The following GRM5 variants were observed in gnomAD, a reference collection of about 807,000 sequenced individuals.
GRM5 encodes the protein glutamate metabotropic receptor 5.
GRM5 carries 19 observed loss-of-function variants against 83.1 expected under a neutral mutation model. That is an observed-to-expected ratio of 0.23 (90% CI 0.16 to 0.34). GRM5 has a LOEUF of 0.34. Ranked by LOEUF, GRM5 falls within the 10% of genes least tolerant of loss-of-function variation. GRM5 has a pLI of 1.00. For missense variants in GRM5, 1,160 were observed against 1,588.3 expected, an observed-to-expected ratio of 0.73 and a Z score of 4.58; for synonymous variants, 675 against 633.6, an observed-to-expected ratio of 1.07 and a Z score of -0.98.
intron 3 of GRM5, among the ~76,000 whole-genome samples, chr11:88,790,755 C>T (rs974307608): frequency 2.0e-5 from 3 of 151,840 alleles, no homozygotes; most frequent in African/African-American, 7.3e-5. Context: ...GGAAATATCA[C>T]GATATACTGT....
chr11:88,835,841 G>T (rs1438522042), intron 3 of GRM5, among the ~76,000 whole-genome samples: 4 of 152,176 alleles, frequency 2.6e-5, no homozygotes, highest in African/African-American at 4.8e-5. Context: ...GGTTGAATGA[G>T]GAGGTAGTTC....
At chr11:88,904,827 G>A (rs1334505509) in intron 2 of GRM5, among the ~76,000 whole-genome samples, 1 of 151,972 alleles carries the variant, frequency 6.6e-6, no homozygotes, top group Non-Finnish European at 1.5e-5. Flanking sequence ...ATCATTGTAG[G>A]GAATACCATT....
chr11:88,558,661 G>C (rs972449153), intron 8 of GRM5, among the ~76,000 whole-genome samples: 3 of 151,684 alleles, frequency 2.0e-5, no homozygotes, highest in Non-Finnish European at 4.4e-5. Context: ...AATTAGCTGG[G>C]TGTGGTGGTG....
intron 4 of GRM5, among the ~76,000 whole-genome samples, chr11:88,618,296 A>G (rs1395733095): frequency 6.6e-6 from 1 of 152,228 alleles, no homozygotes; most frequent in Admixed American, 6.5e-5. Flanking sequence ...TGGCAACTGT[A>G]TACAATTATT....
At position 88,868,056 on chromosome 11, in the gene GRM5, A is replaced by G. The variant is rs545464035; in HGVS notation, c.662-17901T>C. Among the ~76,000 whole-genome samples, 3 of 152,018 alleles carry G rather than the reference A, an allele frequency of 2.0e-5. No homozygotes were observed. In the South Asian group the frequency reaches 6.2e-4, roughly 32 times the overall value. On this transcript the variant is annotated intron_variant, in intron 2 of 9. Coordinates refer to ENST00000305447, the MANE Select transcript of GRM5 (RefSeq NM_001143831.3). ...ACTGAGTTTGATTCCTGTATCCACA[A>G]TTTCCTAGATACATGACCTTAGACA...
intron 3 of GRM5, among the ~76,000 whole-genome samples, chr11:88,679,541 A>G (rs1940423771): frequency 6.6e-6 from 1 of 152,156 alleles, no homozygotes; most frequent in Non-Finnish European, 1.5e-5. Flanking sequence ...TCTATCATCT[A>G]TTATCTATCT....
At chr11:88,858,656 G>A (rs888992518) in intron 2 of GRM5, among the ~76,000 whole-genome samples, 2 of 151,984 alleles carry the variant, frequency 1.3e-5, no homozygotes, top group African/African-American at 4.8e-5. Flanking sequence ...AGATTCCTGA[G>A]CCCTGGAATC....
intron 3 of GRM5, among the ~76,000 whole-genome samples, chr11:88,709,343 T>C (rs1941232722): frequency 6.6e-6 from 1 of 152,048 alleles, no homozygotes; most frequent in Admixed American, 6.6e-5. Context: ...AGGTGAGTTA[T>C]AGGTCAGATC....
intron 3 of GRM5, among the ~76,000 whole-genome samples, chr11:88,729,409 C>T (rs1941755955): frequency 6.6e-6 from 1 of 152,026 alleles, no homozygotes; most frequent in South Asian, 2.1e-4. Flanking sequence ...ACAGTCCATG[C>T]TAATGGATAG....
At chr11:88,648,482 A>G (rs1271452018) in intron 4 of GRM5, among the ~76,000 whole-genome samples, 1 of 113,140 alleles carries the variant, frequency 8.8e-6, no homozygotes, top group Non-Finnish European at 1.8e-5. Context: ...GAAGGGGAAT[A>G]TCACACTCTG....
At chr11:88,746,259 ATT>A (rs146286254) in intron 3 of GRM5, among the ~76,000 whole-genome samples, 1 of 151,834 alleles carries the variant, frequency 6.6e-6, no homozygotes, top group Admixed American at 6.6e-5. Flanking sequence ...TTAATAATAC[ATT>A]TTTTTTGTGT....
intron 2 of GRM5, among the ~76,000 whole-genome samples, chr11:88,957,481 G>A: frequency 6.6e-6 from 1 of 152,162 alleles, no homozygotes; most frequent in Non-Finnish European, 1.5e-5. Flanking sequence ...ACAAGATCTT[G>A]AACTTAGTTC....
intron 2 of GRM5, among the ~76,000 whole-genome samples, chr11:88,976,259 T>C (rs1472217712): frequency 1.3e-5 from 2 of 152,170 alleles, no homozygotes; most frequent in Admixed American, 1.3e-4. Context: ...AAAACTGATA[T>C]AAAATTGTGA....
In GRM5 at chr11:88,894,778, T is replaced by C. The variant is rs149355093; in HGVS notation, c.662-44623A>G. On this transcript the variant is annotated intron_variant, in intron 2 of 9. Transcript: ENST00000305447. ...TATTAGGTAATGAAGACAGAATCCT[T>C]ATGAATGAATTAGTACCCTCATAAA... Among the ~76,000 whole-genome samples, 615 of 152,070 alleles carry C rather than the reference T, an allele frequency of 4.0e-3. 2 individuals are homozygous for C. The highest frequency in any genetic ancestry group is 0.014 in the African/African-American group (580 of 41,538).
chr11:88,681,889 G>A (rs1940504142), intron 3 of GRM5, among the ~76,000 whole-genome samples: 1 of 151,638 alleles, frequency 6.6e-6, no homozygotes, highest in African/African-American at 2.4e-5. Flanking sequence ...TATTCATGTT[G>A]TATACTCTTT....
At chr11:88,686,885 C>G (rs1940638375) in intron 3 of GRM5, among the ~76,000 whole-genome samples, 1 of 152,108 alleles carries the variant, frequency 6.6e-6, no homozygotes, top group Non-Finnish European at 1.5e-5. Flanking sequence ...AATACAGACT[C>G]TCATGGCACT....
intron 2 of GRM5, among the ~76,000 whole-genome samples, chr11:88,904,862 G>C (rs991816260): frequency 6.6e-6 from 1 of 152,000 alleles, no homozygotes; most frequent in Non-Finnish European, 1.5e-5. Context: ...GGTATTTATT[G>C]GAAAAATGTG....
chr11:88,717,255 G>A (rs1413514439), intron 3 of GRM5, among the ~76,000 whole-genome samples: 1 of 151,778 alleles, frequency 6.6e-6, no homozygotes, highest in African/African-American at 2.4e-5. Flanking sequence ...TCTTTGTGTA[G>A]GCTAGGGTTG....
At chr11:88,648,257 T>G (rs930295477) in intron 4 of GRM5, among the ~76,000 whole-genome samples, 3 of 149,836 alleles carry the variant, frequency 2.0e-5, no homozygotes, top group Non-Finnish European at 4.5e-5. Flanking sequence ...CCAATCCAAA[T>G]GTCCAACAAT....
Sources: gnomAD v4.1 joint callset for allele counts (sites outside exome capture counted in the v4.1 genomes callset) on GRCh38, gnomAD v4.1.1 for gene constraint, MANE v1.5 for transcripts, NCBI Gene and HGNC (gene_info 2026-07-23, HGNC 2026-07-21) for gene names.